Variants in DCC observed in about 807,000 individuals in gnomAD.
The protein encoded by DCC is DCC netrin 1 receptor.
A neutral mutation model predicts 172.5 loss-of-function variants in DCC; 58 were observed. That is an observed-to-expected ratio of 0.34 (90% CI 0.27 to 0.42). The LOEUF (loss-of-function observed/expected upper bound fraction) is 0.42, where lower values mean the gene tolerates loss of function less well. DCC is among the 10% of genes least tolerant of loss of function. The pLI is 1.00. For synonymous variants in DCC, 709 were observed against 644.5 expected (o/e 1.10, Z -1.52); for missense variants, 1,740 against 1,791.0 (o/e 0.97, Z 0.51).
chr18:53,510,572 G>A (rs1598827517), intron 27 of DCC, among the ~76,000 whole-genome samples: 1 of 151,698 alleles, frequency 6.6e-6, no homozygotes, highest in East Asian at 1.9e-4. Context: ...GCAAAAACAA[G>A]AAAGATATTT....
intron 1 of DCC, among the ~76,000 whole-genome samples, chr18:52,707,306 T>C (rs1253324208): frequency 9.9e-5 from 15 of 152,214 alleles, no homozygotes; most frequent in Non-Finnish European, 1.2e-4. Flanking sequence ...CTAAATAAAT[T>C]TGTAATATCT....
At chr18:52,587,996 G>A (rs560866337) in intron 1 of DCC, among the ~76,000 whole-genome samples, 40 of 152,320 alleles carry the variant, frequency 2.6e-4, no homozygotes, top group Non-Finnish European at 4.1e-4. Flanking sequence ...GTGATGGAAT[G>A]CTGCTGTGCA....
chr18:52,729,868 A>G (rs1037210235), intron 1 of DCC, among the ~76,000 whole-genome samples: 2 of 152,226 alleles, frequency 1.3e-5, no homozygotes, highest in Non-Finnish European at 2.9e-5. Flanking sequence ...ACCTTATCCA[A>G]GTTATTTACT....
chr18:52,815,254 A>G (rs892517312), intron 2 of DCC, among the ~76,000 whole-genome samples: 12 of 152,170 alleles, frequency 7.9e-5, no homozygotes, highest in Admixed American at 2.0e-4. Flanking sequence ...TTGAAGCCCT[A>G]TCCCTCAATG....
intron 18 of DCC, among the ~76,000 whole-genome samples, chr18:53,399,140 G>A (rs920609360): frequency 2.0e-4 from 31 of 152,174 alleles, no homozygotes; most frequent in Non-Finnish European, 4.1e-4. Flanking sequence ...AACGTGACAG[G>A]AAGGACACTT....
chr18:53,468,380 T>TTTATTTTATTTATTTATTTTA (rs1555675979), intron 25 of DCC, among the ~76,000 whole-genome samples: 1 of 135,152 alleles, frequency 7.4e-6, no homozygotes, highest in East Asian at 2.0e-4. Flanking sequence ...TATTTATTTA[T>TTTATTTTATTTATTTATTTTA]TTTATTTATT....
In DCC at chr18:53,205,152, T is replaced by C. The variant is rs536884419; in HGVS notation, c.1574-64T>C. 2.3e-4 allele frequency: 302 copies of C among 1,327,240 alleles called. No individual in the cohort carries two copies. The African/African-American group carries it at 3.5e-3, about 15-fold the overall frequency. The allele number at this position is 1,327,240 out of a possible 1,614,324, so 82.2% of individuals were successfully genotyped here. A position where few individuals can be genotyped will look rare whatever the true frequency, so the allele number is the denominator to read the frequency against. On this transcript the variant is annotated intron_variant, in intron 9 of 28. Transcript: ENST00000442544. ...CTGTAAAAATGTAATTTTGTTTGTT[T>C]TGAGAACAAAAACCCACTTATCCTA... is the stretch of plus-strand genomic sequence containing the variant.
intron 9 of DCC, among the ~76,000 whole-genome samples, chr18:53,185,654 A>T (rs2055269151): frequency 6.6e-6 from 1 of 152,156 alleles, no homozygotes. Flanking sequence ...CATTTCCATT[A>T]TTTCAGAAAG....
chr18:52,537,692 A>G (rs2032327272), intron 1 of DCC, among the ~76,000 whole-genome samples: 1 of 152,218 alleles, frequency 6.6e-6, no homozygotes, highest in African/African-American at 2.4e-5. Flanking sequence ...TAACACAAAG[A>G]GAACAAAGAT....
intron 12 of DCC, among the ~76,000 whole-genome samples, chr18:53,265,973 C>G (rs557409253): frequency 6.6e-6 from 1 of 152,162 alleles, no homozygotes; most frequent in Non-Finnish European, 1.5e-5. Context: ...GGCATTCTCT[C>G]TTGAGCTCTA....
chr18:52,482,684 A>T (rs902942083), intron 1 of DCC, among the ~76,000 whole-genome samples: 13 of 152,110 alleles, frequency 8.5e-5, no homozygotes, highest in Non-Finnish European at 4.4e-5. Flanking sequence ...TAATCCCATC[A>T]CATTTGGGGT....
At chr18:53,483,630 G>C (rs1234548136) in intron 25 of DCC, among the ~76,000 whole-genome samples, 1 of 151,744 alleles carries the variant, frequency 6.6e-6, no homozygotes, top group Non-Finnish European at 1.5e-5. Flanking sequence ...TTTTATGTTT[G>C]TGGGTCTTTT....
At chr18:52,821,488 T>C (rs1309627428) in intron 2 of DCC, among the ~76,000 whole-genome samples, 1 of 152,136 alleles carries the variant, frequency 6.6e-6, no homozygotes, top group African/African-American at 2.4e-5. Context: ...TTTGAAAGAG[T>C]GTTTTATTGT....
chr18:53,118,943 G>A (rs1469531551), intron 7 of DCC, among the ~76,000 whole-genome samples: 1 of 151,652 alleles, frequency 6.6e-6, no homozygotes, highest in African/African-American at 2.4e-5. Context: ...TTCAACTTAA[G>A]TTTTAAGTCT....
chr18:53,038,911 A>C (rs1045951347), intron 5 of DCC, among the ~76,000 whole-genome samples: 17 of 151,646 alleles, frequency 1.1e-4, no homozygotes, highest in South Asian at 4.2e-4. Context: ...AAAAAAAAAA[A>C]CTCAAACATG....
rs150560785 is a variant in DCC at position 53,026,280 on chromosome 18, T to G, written c.986-37025T>G. 1.1e-4 allele frequency among the ~76,000 whole-genome samples: 17 copies of G among 152,234 alleles called. No individual in the cohort carries two copies. In the East Asian group the frequency reaches 3.3e-3, roughly 29 times the overall value. ...TCTGTCACATTGGTACAATGTTGTTTCTTTCTTTTCTAATATGTAATGATC... is the reference window on the plus strand; with the variant it reads ...TCTGTCACATTGGTACAATGTTGTTGCTTTCTTTTCTAATATGTAATGATC... On this transcript the variant is annotated intron_variant, in intron 5 of 28. Transcript: ENST00000442544.
intron 8 of DCC, among the ~76,000 whole-genome samples, chr18:53,165,908 T>A (rs1464489988): frequency 1.3e-5 from 2 of 152,168 alleles, no homozygotes; most frequent in African/African-American, 4.8e-5. Flanking sequence ...TTATGAAATG[T>A]GTGCATGATG....
chr18:52,680,027 T>C lies in DCC; in HGVS notation c.92-72027T>C, dbSNP rs1355950635. Among the ~76,000 whole-genome samples the C allele has an allele frequency of 2.6e-5, 4 of 152,210 alleles. No homozygotes were observed. The South Asian group carries it at 8.3e-4, about 32-fold the overall frequency. ...AACTACTCTTCAAATTTCTTGACTT[T>C]TAATTAAAATACATGTATTATGTGG... On this transcript the variant is annotated intron_variant, in intron 1 of 28. Coordinates refer to ENST00000442544, the MANE Select transcript of DCC (RefSeq NM_005215.4).
chr18:53,169,882 G>C (rs1009675757), intron 8 of DCC, among the ~76,000 whole-genome samples: 1 of 152,144 alleles, frequency 6.6e-6, no homozygotes, highest in African/African-American at 2.4e-5. Flanking sequence ...CTTAATTACT[G>C]CTTCATGGAA....
Sources: gnomAD v4.1 joint callset for allele counts (sites outside exome capture counted in the v4.1 genomes callset) on GRCh38, gnomAD v4.1.1 for gene constraint, MANE v1.5 for transcripts, NCBI Gene and HGNC (gene_info 2026-07-23, HGNC 2026-07-21) for gene names.